The following LRP10 variants were observed in gnomAD, a reference collection of about 807,000 sequenced individuals.
LRP10 encodes the protein low-density lipoprotein receptor-related protein 10.
A neutral mutation model predicts 58.5 loss-of-function variants in LRP10; 42 were observed. The observed-to-expected ratio is 0.72, with a 90% confidence interval of 0.56 to 0.93. The LOEUF (loss-of-function observed/expected upper bound fraction) is 0.93, where lower values mean the gene tolerates loss of function less well. LRP10 is among the 40% of genes least tolerant of loss of function. The pLI, the probability that LRP10 is intolerant of heterozygous loss-of-function variation, is 0.00. For synonymous variants in LRP10, 377 were observed against 388.5 expected (o/e 0.97, Z 0.35); for missense variants, 872 against 940.1 (o/e 0.93, Z 0.95).
At position 22,872,350 on chromosome 14, in the gene LRP10, A is replaced by G. The variant is rs1369705935; in HGVS notation, c.34+13A>G. 1 of 1,613,782 alleles carries G rather than the reference A, an allele frequency of 6.2e-7. No homozygotes were observed. The highest frequency in any genetic ancestry group is 1.7e-5 in the Admixed American group (1 of 59,998). ...CTCCTCCTCCTTGGTAAGAACCGAA[A>G]CGATACCAACCCCCAGCCTTCTGTC... On this transcript the variant is annotated intron_variant, in intron 1 of 6. Transcript: ENST00000359591.
chr14:22,875,610 AT>A lies in LRP10; in HGVS notation c.664del (p.Trp222GlyfsTer96). On this transcript the variant is annotated frameshift_variant, in exon 5 of 7. Transcript: ENST00000359591. LOFTEE classifies it high-confidence loss of function. ...TCAGTCTCCCACCCCCAGTCCTGCC[AT>A]TGGCTGCTGGACCCCCATGATGGCC... is the stretch of plus-strand genomic sequence containing the variant. Reference protein sequence around the residue: ...LASVSHPQSCHWLLDPHDGRR... With the variant: ...LASVSHPQSCXWLLDPHDGRR... 1.2e-6 allele frequency: 2 copies of A among 1,614,064 alleles called. No homozygotes were observed. Among genetic ancestry groups the A allele is most frequent in the Non-Finnish European group, 8.5e-7 (1 of 1,180,030 alleles).
Position 22,872,012 on chromosome 14 carries a change from C to T in LRP10, c.-292C>T, listed in dbSNP as rs1240435609. ...CCTGCGGGCGGGCTGTAGGCGAGGGCGCGCCCCAGTGCCGAGACCCGGGGC... is the reference window on the plus strand; with the variant it reads ...CCTGCGGGCGGGCTGTAGGCGAGGGTGCGCCCCAGTGCCGAGACCCGGGGC... On this transcript the variant is annotated 5_prime_UTR_variant, in exon 1 of 7. Coordinates refer to ENST00000359591, the MANE Select transcript of LRP10 (RefSeq NM_014045.5). The T allele has an allele frequency of 2.9e-5, 16 of 542,798 alleles. 1 individual carries two copies. Among genetic ancestry groups the T allele is most frequent in the South Asian group, 2.7e-4 (13 of 47,606 alleles). 33.6% of individuals were successfully genotyped at this position (542,798 alleles called of 1,614,324 possible).
At position 22,876,346 on chromosome 14, in the gene LRP10, C is replaced by G. The variant is rs1331327623; in HGVS notation, c.1398C>G (p.Leu466=). Residue 466 remains leucine, a synonymous_variant, in exon 5 of 7, where the codon CTC becomes CTG. Coordinates refer to ENST00000359591, the MANE Select transcript of LRP10 (RefSeq NM_014045.5). ...TCGCCCTGGGCTGCACCTGCAAGCT[C>G]TATGCCATTCGCACCCAGGAGTACA... ...LVIALGCTCK[L]YAIRTQEYSI... is the part of the protein sequence containing the mutation. 3.1e-6 allele frequency: 5 copies of G among 1,613,872 alleles called. No homozygotes were observed. The highest frequency in any genetic ancestry group is 3.3e-4 in the Middle Eastern group (2 of 6,046).
intron 3 of LRP10, among the ~76,000 whole-genome samples, chr14:22,874,582 A>C (rs749410990): frequency 6.6e-6 from 1 of 152,220 alleles, no homozygotes; most frequent in African/African-American, 2.4e-5. Flanking sequence ...CCCATTGACT[A>C]CATTGACTTA....
Position 22,877,077 on chromosome 14 carries a change from C to A in LRP10, c.1692C>A (p.Gly564=). ...TGGTACGCCGTCTCCGCCGCTGGGG[C>A]TTGCTCCCTCGAACCAACACCCCGG... ...RRLVRRLRRW[G]LLPRTNTPAR... is the part of the protein sequence containing the mutation. The change falls in exon 7 of 7, where the codon GGC becomes GGA. Residue 564 remains glycine (G), a synonymous_variant. Coordinates refer to ENST00000359591, the MANE Select transcript of LRP10 (RefSeq NM_014045.5). This position sits in a 1 kb window ranked among gnomAD's most constrained non-coding sequence, Gnocchi z 5.1. 6.2e-7 allele frequency: 1 copy of A among 1,613,900 alleles called. No individual in the cohort carries two copies. The highest frequency in any genetic ancestry group is 1.3e-5 in the African/African-American group (1 of 75,060).
chr14:22,876,961 C>A lies in LRP10; in HGVS notation c.1576C>A (p.Arg526Ser). 6.3e-7 allele frequency: 1 copy of A among 1,590,630 alleles called. No individual in the cohort carries two copies. The highest frequency in any genetic ancestry group is 8.6e-7 in the Non-Finnish European group (1 of 1,166,590). The change falls in exon 7 of 7, where the codon CGT (arginine) becomes AGT (serine). Residue 526 changes from arginine to serine, a missense_variant. Coordinates refer to ENST00000359591, the MANE Select transcript of LRP10 (RefSeq NM_014045.5). The stretch of plus-strand genomic sequence containing the variant: ...GCAGAACTCAGTGCTGGGCAACCTG[C>A]GTTCTCTGCTACAGATCTTACGCCA... ...PNDNSVLGNL[R>S]SLLQILRQDM...
intron 3 of LRP10, among the ~76,000 whole-genome samples, chr14:22,874,290 G>C (rs575373527): frequency 5.6e-4 from 86 of 152,334 alleles, no homozygotes; most frequent in South Asian, 1.2e-3. Context: ...TGGAGAGGCT[G>C]GTGGGGCAAA....
In LRP10 at chr14:22,872,181, G is replaced by A; in HGVS notation, c.-123G>A. ...GGCATCCAGAGTACGGGTCGAGCCC[G>A]GGCCATGGAGCCCCCCTGGGGAGGC... On this transcript the variant is annotated 5_prime_UTR_variant, in exon 1 of 7. Transcript: ENST00000359591. 3 of 1,004,836 alleles carry A rather than the reference G, an allele frequency of 3.0e-6. No individual in the cohort carries two copies. Among genetic ancestry groups the A allele is most frequent in the South Asian group, 1.3e-5 (1 of 78,052 alleles). The allele number at this position is 1,004,836 out of a possible 1,614,324, so 62.2% of individuals were successfully genotyped here. A position where few individuals can be genotyped will look rare whatever the true frequency, so the allele number is the denominator to read the frequency against.
In LRP10 at chr14:22,872,149, C is replaced by T. The variant is rs2039960763; in HGVS notation, c.-155C>T. On this transcript the variant is annotated 5_prime_UTR_variant, in exon 1 of 7. Coordinates refer to ENST00000359591, the MANE Select transcript of LRP10 (RefSeq NM_014045.5). ...CGGGCTGCCGCCGCCTCCCCGCCCC[C>T]AGCCCTGGCATCCAGAGTACGGGTC... The T allele has an allele frequency of 1.4e-6, 1 of 733,560 alleles. No individual in the cohort carries two copies. Among genetic ancestry groups the T allele is most frequent in the Admixed American group, 2.5e-5 (1 of 40,480 alleles). 45.4% of individuals were successfully genotyped at this position (733,560 alleles called of 1,614,324 possible).
At chr14:22,872,419 C>A in intron 1 of LRP10, 82 bp downstream of exon 1, 1 of 1,504,708 alleles carries the variant, frequency 6.6e-7, no homozygotes, top group Non-Finnish European at 9.2e-7. Flanking sequence ...GCCCCGCACT[C>A]TATCCTGCCT....
rs2040062214 is a variant in LRP10 at position 22,881,559 on chromosome 14, CAT to C, written c.*4035_*4036del. ...ATGACCTTAGACCACTTATAAAATG[CAT>C]ATGAGTGCTTTAAATGTTATTTTGT... On this transcript the variant is annotated 3_prime_UTR_variant, in exon 7 of 7. Coordinates refer to ENST00000359591, the MANE Select transcript of LRP10 (RefSeq NM_014045.5). 6.6e-6 allele frequency: 1 copy of C among 152,196 alleles called. No individual in the cohort carries two copies. The highest frequency in any genetic ancestry group is 2.4e-5 in the African/African-American group (1 of 41,434). 9.4% of individuals were successfully genotyped at this position (152,196 alleles called of 1,614,324 possible). A position where few individuals can be genotyped will look rare whatever the true frequency, so the allele number is the denominator to read the frequency against.
rs1171124271 is a variant in LRP10 at position 22,878,026 on chromosome 14, T to C, written c.*499T>C. ...GAGTGCAACAAATGCTTCTATTCCA[T>C]AGCTACGGCATTGCTCAGTAAGTTG... On this transcript the variant is annotated 3_prime_UTR_variant, in exon 7 of 7. Coordinates refer to ENST00000359591, the MANE Select transcript of LRP10 (RefSeq NM_014045.5). 1.3e-5 allele frequency: 2 copies of C among 153,120 alleles called. No homozygotes were observed. Among genetic ancestry groups the C allele is most frequent in the African/African-American group, 2.4e-5 (1 of 41,484 alleles). 9.5% of individuals were successfully genotyped at this position (153,120 alleles called of 1,614,324 possible).
In LRP10 at chr14:22,878,504, G is replaced by T; in HGVS notation, c.*977G>T. 2 of 152,392 alleles carry T rather than the reference G, an allele frequency of 1.3e-5. No homozygotes were observed. Among genetic ancestry groups the T allele is most frequent in the Non-Finnish European group, 2.9e-5 (2 of 68,116 alleles). 9.4% of individuals were successfully genotyped at this position (152,392 alleles called of 1,614,324 possible). The stretch of plus-strand genomic sequence containing the variant: ...ACCCTCCACCCTCCACACCCACCAG[G>T]CATTTAGCAGTCTGTCCTATGCAAG... On this transcript the variant is annotated 3_prime_UTR_variant, in exon 7 of 7. Coordinates refer to ENST00000359591, the MANE Select transcript of LRP10 (RefSeq NM_014045.5).
chr14:22,876,006 G>T lies in LRP10; in HGVS notation c.1058G>T (p.Cys353Phe). 6.2e-7 allele frequency: 1 copy of T among 1,613,182 alleles called. No individual in the cohort carries two copies. The highest frequency in any genetic ancestry group is 8.5e-7 in the Non-Finnish European group (1 of 1,180,002). ...DCADGTDEED[C>F]PGCPPGHFPC... ...GCTGACGGCACAGATGAGGAGGACTGCCCAGGCTGCCCACCTGGACACTTC... is the reference window on the plus strand; with the variant it reads ...GCTGACGGCACAGATGAGGAGGACTTCCCAGGCTGCCCACCTGGACACTTC... The change falls in exon 5 of 7, where the codon TGC becomes TTC. Residue 353 changes from cysteine to phenylalanine, a missense_variant. By Grantham distance (205) the Cys-to-Phe change is radical. Transcript: ENST00000359591.
Position 22,876,333 on chromosome 14 carries a change from GC to G in LRP10, c.1386del (p.Cys462Ter). The part of the protein sequence containing the change: ...CGLLLVIALG[C>X]TCKLYAIRTQ... ...CTGCTCCTGGTCATCGCCCTGGGCT[GC>G]ACCTGCAAGCTCTATGCCATTCGCA... On this transcript the variant is annotated frameshift_variant, in exon 5 of 7. Coordinates refer to ENST00000359591, the MANE Select transcript of LRP10 (RefSeq NM_014045.5). LOFTEE classifies it high-confidence loss of function. 6.2e-7 allele frequency: 1 copy of G among 1,614,096 alleles called. No homozygotes were observed. Among genetic ancestry groups the G allele is most frequent in the Non-Finnish European group, 8.5e-7 (1 of 1,180,046 alleles).
At position 22,875,082 on chromosome 14, in the gene LRP10, C is replaced by G. The variant is rs1436431294; in HGVS notation, c.243C>G (p.Gly81=). 4 of 1,596,202 alleles carry G rather than the reference C, an allele frequency of 2.5e-6. No individual in the cohort carries two copies. In the Admixed American group the frequency reaches 6.9e-5, roughly 28 times the overall value. ...TCCAGAAGCTACACCTGGCCTGTGG[C>G]TCAGAGCGCTTAACCCTACGCTCCC... ...IRFQKLHLAC[G]SERLTLRSPL... Residue 81 remains glycine (G), a synonymous_variant, in exon 4 of 7, where the codon GGC becomes GGG. Coordinates refer to ENST00000359591, the MANE Select transcript of LRP10 (RefSeq NM_014045.5).
chr14:22,875,472 G>T lies in LRP10; in HGVS notation c.524G>T (p.Ser175Ile). 1 of 1,614,212 alleles carries T rather than the reference G, an allele frequency of 6.2e-7. No homozygotes were observed. The highest frequency in any genetic ancestry group is 8.5e-7 in the Non-Finnish European group (1 of 1,180,038). The change falls in exon 5 of 7, where the codon AGC (serine) becomes ATC (isoleucine). Residue 175 changes from serine to isoleucine, a missense_variant. Ser to Ile is a moderately radical substitution (Grantham distance 142). Transcript: ENST00000359591. ...GATGGCTCTGATGAAGCAGGTTGCAGCTCAGACCCCTTCCCTGGCCTGACC... is the reference window on the plus strand; with the variant it reads ...GATGGCTCTGATGAAGCAGGTTGCATCTCAGACCCCTTCCCTGGCCTGACC... ...CGDGSDEAGCSSDPFPGLTPR... is the reference protein window; with the variant it reads ...CGDGSDEAGCISDPFPGLTPR...
chr14:22,872,835 C>T (rs908416235), intron 2 of LRP10, 53 bp downstream of exon 2: 20 of 1,557,706 alleles, frequency 1.3e-5, no homozygotes, highest in Non-Finnish European at 1.8e-5. Flanking sequence ...AGGGAGCAGT[C>T]GAGAAGGACT....
chr14:22,876,895 C>G, intron 6 of LRP10, 45 bp from the exon 7 acceptor site: 1 of 1,586,312 alleles, frequency 6.3e-7, no homozygotes, highest in Non-Finnish European at 8.6e-7. Context: ...CTCCTTCATT[C>G]AGCCTTTGGC....
Sources: allele counts gnomAD v4.1 joint callset (sites outside exome capture counted in the v4.1 genomes callset), GRCh38; gene constraint gnomAD v4.1.1; non-coding constraint Gnocchi (gnomAD v3.1); transcripts MANE v1.5; gene names NCBI Gene and HGNC (gene_info 2026-07-23, HGNC 2026-07-21).